Variants in CCDC3 observed in about 807,000 individuals in gnomAD.
CCDC3 encodes coiled-coil domain containing 3.
In CCDC3, 24 loss-of-function variants were observed where a neutral mutation model predicts 21.4. The ratio of observed to expected loss-of-function variants is 1.12; its 90% CI spans 0.81 to 1.58. CCDC3 has a LOEUF of 1.58. Among genes scored for constraint, CCDC3 ranks in the 40% most tolerant of loss-of-function variants. The pLI is 0.00. For missense variants in CCDC3, 425 were observed against 360.9 expected (o/e 1.18, Z -1.44); for synonymous variants, 186 against 166.0 (o/e 1.12, Z -0.93).
chr10:12,970,808 T>C (rs1409954224), intron 2 of CCDC3, among the ~76,000 whole-genome samples: 1 of 151,848 alleles, frequency 6.6e-6, no homozygotes, highest in Non-Finnish European at 1.5e-5. Flanking sequence ...GAGAATCACT[T>C]GAACCTGGGA....
At chr10:12,918,655 G>A (rs1366930787) in intron 2 of CCDC3, among the ~76,000 whole-genome samples, 1 of 152,202 alleles carries the variant, frequency 6.6e-6, no homozygotes, top group Non-Finnish European at 1.5e-5. Flanking sequence ...ATGTGTAGGA[G>A]AACAGTTAAA....
intron 5 of CCDC3, among the ~76,000 whole-genome samples, chr10:13,042,471 A>G (rs1836470185): frequency 6.6e-6 from 1 of 152,228 alleles, no homozygotes; most frequent in African/African-American, 2.4e-5. Flanking sequence ...TATGAAAGCA[A>G]TGTGGGACTA....
At chr10:13,030,592 G>A (rs555604964) in intron 5 of CCDC3, among the ~76,000 whole-genome samples, 14 of 152,154 alleles carry the variant, frequency 9.2e-5, no homozygotes, top group Admixed American at 9.2e-4. Flanking sequence ...GGATTCAGGA[G>A]ACCCATCTCA....
At chr10:13,001,002 G>A (rs533374739) in intron 1 of CCDC3, among the ~76,000 whole-genome samples, 195 bp downstream of exon 1, 12 of 152,158 alleles carry the variant, frequency 7.9e-5, no homozygotes, top group Non-Finnish European at 1.3e-4. Context: ...CCTTAACCAG[G>A]GGTAGTCAGG....
At chr10:12,901,318 G>C (rs189899520) in intron 2 of CCDC3, among the ~76,000 whole-genome samples, 16 of 152,132 alleles carry the variant, frequency 1.1e-4, no homozygotes, top group African/African-American at 3.9e-4. Flanking sequence ...CGCCAGGCTG[G>C]AGTGCAGTGG....
intron 2 of CCDC3, among the ~76,000 whole-genome samples, chr10:12,939,157 A>G (rs1834782475): frequency 6.6e-6 from 1 of 152,156 alleles, no homozygotes; most frequent in Non-Finnish European, 1.5e-5. Flanking sequence ...TCACTTCCGC[A>G]TTCGCCCTTA....
At chr10:13,034,073 T>C (rs1254289778) in intron 5 of CCDC3, among the ~76,000 whole-genome samples, 2 of 152,066 alleles carry the variant, frequency 1.3e-5, no homozygotes, top group African/African-American at 4.8e-5. Flanking sequence ...TTCACAATAG[T>C]AAAGACTTGG....
chr10:12,923,198 G>A (rs1218114924), intron 2 of CCDC3, among the ~76,000 whole-genome samples: 4 of 152,126 alleles, frequency 2.6e-5, no homozygotes, highest in African/African-American at 9.7e-5. Context: ...TAATCTCTGG[G>A]TGCTGTTCGT....
intron 3 of CCDC3, among the ~76,000 whole-genome samples, chr10:13,093,204 C>T (rs915022149): frequency 1.3e-5 from 2 of 152,082 alleles, no homozygotes; most frequent in East Asian, 1.9e-4. Context: ...TTCCACGTGG[C>T]TGGGGAGGCC....
intron 3 of CCDC3, among the ~76,000 whole-genome samples, chr10:13,087,178 G>A (rs528423983): frequency 6.6e-6 from 1 of 152,196 alleles, no homozygotes; most frequent in African/African-American, 2.4e-5. Flanking sequence ...GCCAAGGCGG[G>A]TGGATCACCT....
intron 2 of CCDC3, among the ~76,000 whole-genome samples, chr10:12,947,797 C>T (rs923973318): frequency 6.6e-6 from 1 of 152,216 alleles, no homozygotes; most frequent in Admixed American, 6.5e-5. Flanking sequence ...AGTGGATTGA[C>T]TTCCTTTAAG....
At chr10:12,898,779 C>T in intron 2 of CCDC3, 100 bp from the exon 3 acceptor site, 1 of 1,398,232 alleles carries the variant, frequency 7.2e-7, no homozygotes, top group Non-Finnish European at 9.6e-7. Flanking sequence ...GACAGCAACA[C>T]AGACCCCGAT....
At chr10:13,023,087 C>CT (rs5783299) in intron 5 of CCDC3, among the ~76,000 whole-genome samples, 11 of 150,868 alleles carry the variant, frequency 7.3e-5, no homozygotes, top group South Asian at 2.1e-4. Context: ...TTTTTGCACA[C>CT]TTTTTTTTTG....
At chr10:13,008,288 C>T (rs1835947840) in intron 5 of CCDC3, among the ~76,000 whole-genome samples, 1 of 152,120 alleles carries the variant, frequency 6.6e-6, no homozygotes, top group Non-Finnish European at 1.5e-5. Context: ...AAGGGCATGA[C>T]CCAGTTCAGA....
intron 5 of CCDC3, among the ~76,000 whole-genome samples, chr10:13,038,956 C>A (rs565964416): frequency 6.6e-6 from 1 of 152,290 alleles, no homozygotes; most frequent in South Asian, 2.1e-4. Context: ...AGTTCCCTTC[C>A]CGCAATCCAG....
At chr10:12,935,514 T>TTCTC (rs1564289928) in intron 2 of CCDC3, among the ~76,000 whole-genome samples, 1 of 152,318 alleles carries the variant, frequency 6.6e-6, no homozygotes, top group East Asian at 1.9e-4. Flanking sequence ...ATTACCCTGG[T>TTCTC]TCTCTATTCC....
In CCDC3 at chr10:12,928,415, G is replaced by A. The variant is rs914638949; in HGVS notation, c.550-29736C>T. Among the ~76,000 whole-genome samples the A allele has an allele frequency of 5.3e-5, 8 of 152,250 alleles. No individual in the cohort carries two copies. In the South Asian group the frequency reaches 6.2e-4, roughly 12 times the overall value. Reference sequence around the variant, plus strand: ...TTTTCTGTTAAATTTCCCTCCAACCGTTTTAGGAATTACAATACTTAACAT... The same window carrying A: ...TTTTCTGTTAAATTTCCCTCCAACCATTTTAGGAATTACAATACTTAACAT... On this transcript the variant is annotated intron_variant, in intron 2 of 2. Transcript: ENST00000378825.
At chr10:13,092,430 C>T (rs866567087) in intron 3 of CCDC3, among the ~76,000 whole-genome samples, 4 of 152,204 alleles carry the variant, frequency 2.6e-5, no homozygotes, top group Non-Finnish European at 5.9e-5. Context: ...GGAGTTTTCA[C>T]AGCCAACCCT....
intron 3 of CCDC3, among the ~76,000 whole-genome samples, chr10:13,089,104 G>C (rs372036072): frequency 1.1e-4 from 16 of 152,098 alleles, no homozygotes; most frequent in African/African-American, 3.9e-4. Flanking sequence ...AAATTCTCCA[G>C]GTTCTGATTC....
Sources: allele counts gnomAD v4.1 joint callset (sites outside exome capture counted in the v4.1 genomes callset), GRCh38; gene constraint gnomAD v4.1.1; transcripts MANE v1.5; gene names NCBI Gene and HGNC (gene_info 2026-07-23, HGNC 2026-07-21).